Variants in DPH6 observed in about 807,000 individuals in gnomAD.
DPH6 encodes the protein diphthine--ammonia ligase.
A neutral mutation model predicts 38.2 loss-of-function variants in DPH6; 33 were observed. The observed-to-expected ratio is 0.86, with a 90% CI of 0.65 to 1.15. The LOEUF (loss-of-function observed/expected upper bound fraction) is 1.15. Among genes scored for constraint, DPH6 ranks in the 50% most tolerant of loss-of-function variants. DPH6 has a pLI of 0.00. For synonymous variants in DPH6, 108 were observed against 103.0 expected (o/e 1.05, Z -0.30); for missense variants, 325 against 320.0 (o/e 1.02, Z -0.12).
At chr15:35,427,023 A>C (rs867887731) in intron 5 of DPH6, among the ~76,000 whole-genome samples, 6 of 77,048 alleles carry the variant, frequency 7.8e-5, no homozygotes, top group Non-Finnish European at 1.3e-4. Context: ...AAAAAAGATA[A>C]AAAAAAAGAC....
At chr15:35,473,558 A>G (rs1459199448) in intron 3 of DPH6, among the ~76,000 whole-genome samples, 1 of 152,156 alleles carries the variant, frequency 6.6e-6, no homozygotes, top group Non-Finnish European at 1.5e-5. Flanking sequence ...AGCATTAAGG[A>G]GAGTAGAAAG....
chr15:35,197,413 T>C, the DPH6 span, among the ~76,000 whole-genome samples: 1 of 152,214 alleles, frequency 6.6e-6, no homozygotes, highest in Non-Finnish European at 1.5e-5. Flanking sequence ...CATCTTGTAG[T>C]AGACATTCCA....
intron 7 of DPH6, 110 bp from the exon 8 acceptor site, chr15:35,373,718 T>C (rs1034717288): frequency 2.1e-5 from 16 of 752,128 alleles, no homozygotes; most frequent in African/African-American, 1.1e-4. Flanking sequence ...TTTATCTCCA[T>C]TGGTATACAA....
intron 3 of DPH6, among the ~76,000 whole-genome samples, chr15:35,255,209 AT>A (rs1182968663): frequency 6.6e-6 from 1 of 152,206 alleles, no homozygotes; most frequent in Non-Finnish European, 1.5e-5. Context: ...CCGAAGAACC[AT>A]TATGACGACA....
At chr15:35,457,368 T>C (rs533855825) in intron 3 of DPH6, among the ~76,000 whole-genome samples, 1 of 151,200 alleles carries the variant, frequency 6.6e-6, no homozygotes, top group Admixed American at 6.6e-5. Flanking sequence ...TGTTCAATAA[T>C]TTTTTTTTGA....
the DPH6 span, among the ~76,000 whole-genome samples, chr15:35,200,737 GA>G: frequency 1.1e-4 from 16 of 151,196 alleles, no homozygotes; most frequent in East Asian, 2.7e-3. Flanking sequence ...ATTAAAAAAA[GA>G]AAAAAATAAT....
At chr15:35,386,380 G>C (rs62002893) in intron 6 of DPH6, among the ~76,000 whole-genome samples, 39,702 of 152,110 alleles carry the variant, frequency 0.26, 5,342 homozygotes, top group South Asian at 0.38. Flanking sequence ...GGATGGCTGG[G>C]TCAAATGGTA....
Position 35,462,576 on chromosome 15 carries a change from G to T in DPH6, c.313-7756C>A, listed in dbSNP as rs917121889. The stretch of plus-strand genomic sequence containing the variant: ...GTAAAACACCTTCCCTAGAATTTAT[G>T]TGGCTTATTCCCTCACTTCTTCCAG... On this transcript the variant is annotated intron_variant, in intron 3 of 8. Transcript: ENST00000256538. 2.0e-4 allele frequency among the ~76,000 whole-genome samples: 31 copies of T among 152,080 alleles called. 1 individual carries two copies. The highest frequency in any genetic ancestry group is 6.6e-5 in the Admixed American group (1 of 15,262).
chr15:35,295,911 T>C (rs750365401), intron 3 of DPH6, among the ~76,000 whole-genome samples: 2 of 151,588 alleles, frequency 1.3e-5, no homozygotes, highest in Non-Finnish European at 2.9e-5. Context: ...ACTTACTATG[T>C]CTATTTTATT....
At chr15:35,386,593 C>A (rs1397405166) in intron 6 of DPH6, among the ~76,000 whole-genome samples, 2 of 152,082 alleles carry the variant, frequency 1.3e-5, no homozygotes, top group Non-Finnish European at 2.9e-5. Context: ...CTCTGATGGC[C>A]AGTGATGATG....
At chr15:35,464,336 T>C (rs957602261) in intron 3 of DPH6, among the ~76,000 whole-genome samples, 1 of 151,744 alleles carries the variant, frequency 6.6e-6, no homozygotes. Flanking sequence ...TAAGTCTATA[T>C]ACATTATAAC....
At chr15:35,201,074 A>T in the DPH6 span, among the ~76,000 whole-genome samples, 1 of 143,464 alleles carries the variant, frequency 7.0e-6, no homozygotes, top group African/African-American at 2.6e-5. Flanking sequence ...CACATATTTT[A>T]CCTGACTAGG....
At chr15:35,287,315 G>C (rs913625875) in intron 3 of DPH6, among the ~76,000 whole-genome samples, 10 of 152,132 alleles carry the variant, frequency 6.6e-5, no homozygotes, top group African/African-American at 2.4e-4. Context: ...AGGAGGGCAA[G>C]TTTAAAAACA....
rs1209072919 is a variant in DPH6 at position 35,239,149 on chromosome 15, C to T, written n.201-18567G>A. On this transcript the variant is annotated intron_variant and non_coding_transcript_variant, in intron 3 of 3. Coordinates refer to the DPH6 transcript ENST00000560386. ...TCTTTGCTCCGTGAGAAAGATCCAC[C>T]TACGACCTCAGGTCCTCAGACCTAC... 2.1e-5 allele frequency among the ~76,000 whole-genome samples: 3 copies of T among 143,998 alleles called. No homozygotes were observed. In the East Asian group the frequency reaches 6.5e-4, roughly 31 times the overall value. The allele number at this position is 143,998 out of a possible 152,430, so 94.5% of individuals were successfully genotyped here.
At chr15:35,265,634 G>A (rs1042294235) in intron 3 of DPH6, among the ~76,000 whole-genome samples, 7 of 152,152 alleles carry the variant, frequency 4.6e-5, no homozygotes, top group African/African-American at 9.6e-5. Flanking sequence ...AAAAAATTCC[G>A]TAGCTTTTAT....
At chr15:35,237,364 C>A (rs1171584801) in intron 3 of DPH6, 24 of 1,599,092 alleles carry the variant, frequency 1.5e-5, no homozygotes, top group Non-Finnish European at 2.0e-5. Flanking sequence ...AGCTGCGGAA[C>A]AGGACGCCCT....
chr15:35,172,003 G>A, the DPH6 span, among the ~76,000 whole-genome samples: 1 of 151,936 alleles, frequency 6.6e-6, no homozygotes, highest in Non-Finnish European at 1.5e-5. Flanking sequence ...AAGTAGCTGG[G>A]ACTACAGGCA....
At chr15:35,241,855 A>G (rs542043330) in intron 3 of DPH6, among the ~76,000 whole-genome samples, 1 of 142,814 alleles carries the variant, frequency 7.0e-6, no homozygotes, top group South Asian at 2.4e-4. Flanking sequence ...TTCTCCTTAC[A>G]ATTCCCCCAT....
intron 3 of DPH6, among the ~76,000 whole-genome samples, chr15:35,474,182 T>C (rs1405844571): frequency 6.6e-6 from 1 of 152,114 alleles, no homozygotes; most frequent in African/African-American, 2.4e-5. Context: ...TCTTTGCCCT[T>C]AGCAAGTTTG....
Sources: allele counts gnomAD v4.1 joint callset (sites outside exome capture counted in the v4.1 genomes callset), GRCh38; gene constraint gnomAD v4.1.1; transcripts MANE v1.5; gene names NCBI Gene and HGNC (gene_info 2026-07-23, HGNC 2026-07-21).